Variants in MINK1 observed in about 807,000 individuals in gnomAD.
The protein encoded by MINK1 is misshapen-like kinase 1.
A neutral mutation model predicts 178.4 loss-of-function variants in MINK1; 46 were observed. The ratio of observed to expected loss-of-function variants is 0.26; its 90% confidence interval spans 0.20 to 0.33. MINK1 has a LOEUF of 0.33. MINK1 is among the 10% of genes least tolerant of loss of function. The probability of loss-of-function intolerance (pLI) is 1.00; values close to 1 mark genes in which losing one functional copy is unlikely to be tolerated. For synonymous variants in MINK1, 797 were observed against 709.7 expected (o/e 1.12, Z -1.96); for missense variants, 1,366 against 1,814.9 (o/e 0.75, Z 4.49).
At chr17:4,892,875 C>A in intron 19 of MINK1, 104 bp from the exon 20 acceptor site, 1 of 1,387,932 alleles carries the variant, frequency 7.2e-7, no homozygotes. Flanking sequence ...CAGGGAGGAC[C>A]TGTGTGGGTA....
chr17:4,881,288 C>T (rs779396924), intron 4 of MINK1, 31 bp downstream of exon 4: 3 of 1,533,496 alleles, frequency 2.0e-6, no homozygotes, highest in East Asian at 2.4e-5. Context: ...CGCCTTCCCT[C>T]CCCGCAATCC....
At position 4,892,525 on chromosome 17, in the gene MINK1, T is replaced by G; in HGVS notation, c.2198+13T>G. ...CCAACGCCTCTAGGTAATAGAGTTG[T>G]CCCCCAACTCACTCTCACCTCTCAC... On this transcript the variant is annotated intron_variant, in intron 18 of 31. Transcript: ENST00000355280. The G allele has an allele frequency of 2.0e-6, 3 of 1,536,806 alleles. No individual in the cohort carries two copies. The highest frequency in any genetic ancestry group is 2.7e-6 in the Non-Finnish European group (3 of 1,130,870).
At chr17:4,834,787 C>G (rs1356895685) in intron 1 of MINK1, 1 of 520,080 alleles carries the variant, frequency 1.9e-6, no homozygotes. Context: ...AGGTTCGCTT[C>G]TCTGGAGGCC....
chr17:4,884,836 C>A, intron 5 of MINK1, 76 bp from the exon 6 acceptor site: 1 of 1,307,588 alleles, frequency 7.6e-7, no homozygotes, highest in South Asian at 1.3e-5. Context: ...CTCCTTGTCC[C>A]CTCAACTCAC....
At chr17:4,849,023 A>C (rs1911505232) in intron 1 of MINK1, among the ~76,000 whole-genome samples, 1 of 152,148 alleles carries the variant, frequency 6.6e-6, no homozygotes, top group African/African-American at 2.4e-5. Context: ...TGTTTAAGAA[A>C]GAGAAAACCA....
At chr17:4,877,353 G>A (rs745631848) in intron 1 of MINK1, among the ~76,000 whole-genome samples, 1 of 152,136 alleles carries the variant, frequency 6.6e-6, no homozygotes, top group Middle Eastern at 3.2e-3. Context: ...GGCACTGCTT[G>A]GCTCAGAAAA....
At chr17:4,888,661 G>T (rs565119449) in intron 12 of MINK1, among the ~76,000 whole-genome samples, 5 of 147,964 alleles carry the variant, frequency 3.4e-5, no homozygotes, top group African/African-American at 9.9e-5. Flanking sequence ...TAAATATAGC[G>T]TTCAGATAGT....
Position 4,897,329 on chromosome 17 carries a change from T to C in MINK1, c.*42T>C. The C allele has an allele frequency of 1.3e-6, 2 of 1,574,462 alleles. No individual in the cohort carries two copies. The highest frequency in any genetic ancestry group is 1.1e-5 in the South Asian group (1 of 89,374). ...GGCTGTCCCACACTGGACCCAGCTC[T>C]CCCCCTGCAGCCAGGCTTCCCGGGC... On this transcript the variant is annotated 3_prime_UTR_variant, in exon 32 of 32. Transcript: ENST00000355280.
chr17:4,845,709 C>T (rs1368806875), intron 1 of MINK1, among the ~76,000 whole-genome samples: 2 of 151,738 alleles, frequency 1.3e-5, no homozygotes, highest in Non-Finnish European at 2.9e-5. Flanking sequence ...AATCTTGGCT[C>T]AACTGCAGCC....
chr17:4,880,153 C>T (rs1008635278), intron 2 of MINK1, among the ~76,000 whole-genome samples: 1 of 152,118 alleles, frequency 6.6e-6, no homozygotes, highest in African/African-American at 2.4e-5. Flanking sequence ...GACCCTTCGC[C>T]TTTATTGAGC....
chr17:4,843,154 G>T (rs1003064898), intron 1 of MINK1, among the ~76,000 whole-genome samples: 7 of 152,136 alleles, frequency 4.6e-5, no homozygotes, highest in African/African-American at 1.7e-4. Context: ...GTCGAAGCAG[G>T]GTAGGGGGAA....
At chr17:4,841,326 G>T (rs1044229191) in intron 1 of MINK1, among the ~76,000 whole-genome samples, 2 of 152,126 alleles carry the variant, frequency 1.3e-5, no homozygotes, top group South Asian at 2.1e-4. Context: ...TTCTCACACC[G>T]TCTTGTTCCA....
chr17:4,881,373 C>T, intron 4 of MINK1, 116 bp downstream of exon 4: 2 of 1,195,378 alleles, frequency 1.7e-6, no homozygotes, highest in Non-Finnish European at 2.3e-6. Flanking sequence ...TCCCTCCGGT[C>T]TACCCAGCCT....
intron 1 of MINK1, among the ~76,000 whole-genome samples, chr17:4,869,467 G>A (rs8077448): frequency 0.13 from 20,143 of 150,770 alleles, 1,616 homozygotes; most frequent in African/African-American, 0.24. Flanking sequence ...TAGAGACACG[G>A]GGTCTCGCCA....
intron 12 of MINK1, among the ~76,000 whole-genome samples, chr17:4,888,517 A>C (rs1968437210): frequency 6.6e-6 from 1 of 151,874 alleles, no homozygotes; most frequent in African/African-American, 2.4e-5. Context: ...ACGCGCCTAT[A>C]GTTCCAGCTA....
intron 21 of MINK1, 59 bp from the exon 22 acceptor site, chr17:4,893,929 T>A: frequency 7.2e-7 from 1 of 1,394,588 alleles, no homozygotes; most frequent in Non-Finnish European, 9.6e-7. Flanking sequence ...ATCTGCTGCC[T>A]TTGGCACTTC....
At chr17:4,888,373 G>A (rs1412528618) in intron 12 of MINK1, among the ~76,000 whole-genome samples, 6 of 152,146 alleles carry the variant, frequency 3.9e-5, no homozygotes, top group Admixed American at 2.0e-4. Context: ...GGTGGCTCAC[G>A]CCTGTAATCC....
chr17:4,859,429 G>A lies in MINK1; in HGVS notation c.58-18888G>A, dbSNP rs921575473. ...TGTAACTTCTCAGGATGTTAATTCT[G>A]TTCTCTCTGTGTTGGTGTCTGAGCA... On this transcript the variant is annotated intron_variant, in intron 1 of 31. Coordinates refer to ENST00000355280, the MANE Select transcript of MINK1 (RefSeq NM_153827.5). 5 of 582,532 alleles carry A rather than the reference G, an allele frequency of 8.6e-6. No homozygotes were observed. In the East Asian group the frequency reaches 5.7e-4, roughly 67 times the overall value. 36.1% of individuals were successfully genotyped at this position (582,532 alleles called of 1,614,324 possible). A position where few individuals can be genotyped will look rare whatever the true frequency, so the allele number is the denominator to read the frequency against.
chr17:4,870,744 G>C (rs1915763916), intron 1 of MINK1, among the ~76,000 whole-genome samples: 1 of 152,118 alleles, frequency 6.6e-6, no homozygotes, highest in Non-Finnish European at 1.5e-5. Flanking sequence ...AGGATTGCTT[G>C]AGCTCAGGAG....
Sources: gnomAD v4.1 joint callset for allele counts (sites outside exome capture counted in the v4.1 genomes callset) on GRCh38, gnomAD v4.1.1 for gene constraint, MANE v1.5 for transcripts, NCBI Gene and HGNC (gene_info 2026-07-23, HGNC 2026-07-21) for gene names.